The following PCGF5 variants were observed in gnomAD, a reference collection of about 807,000 sequenced individuals.
PCGF5 encodes the protein polycomb group RING finger protein 5.
A neutral mutation model predicts 44.3 loss-of-function variants in PCGF5; 9 were observed. The observed-to-expected ratio is 0.20, with a 90% CI of 0.12 to 0.35. The LOEUF (loss-of-function observed/expected upper bound fraction) is 0.35, where lower values mean the gene tolerates loss of function less well. Among genes scored for constraint, PCGF5 ranks in the 10% least tolerant of loss-of-function variants. The pLI is 1.00. For synonymous variants in PCGF5, 95 were observed against 102.5 expected, an observed-to-expected ratio of 0.93 and a Z score of 0.44; for missense variants, 146 against 305.3, an observed-to-expected ratio of 0.48 and a Z score of 3.89.
intron 9 of PCGF5, among the ~76,000 whole-genome samples, chr10:91,277,826 G>A (rs1442708888): frequency 5.9e-5 from 9 of 152,070 alleles, no homozygotes; most frequent in African/African-American, 2.2e-4. Context: ...TCCTAGCAGA[G>A]GGGGTCTCTT....
intron 2 of PCGF5, among the ~76,000 whole-genome samples, chr10:91,230,023 G>A (rs1844957424): frequency 2.6e-5 from 4 of 151,966 alleles, no homozygotes; most frequent in African/African-American, 9.7e-5. Flanking sequence ...CTTAATCTTG[G>A]TGTCATCTAT....
At chr10:91,246,970 GATA>G (rs1564648043) in intron 3 of PCGF5, among the ~76,000 whole-genome samples, 16 of 1,486 alleles carry the variant, frequency 0.011, no homozygotes, top group South Asian at 0.05. Context: ...TAGATGGATA[GATA>G]GATAGATAGA....
intron 9 of PCGF5, among the ~76,000 whole-genome samples, chr10:91,272,918 G>C (rs1186483717): frequency 6.6e-6 from 1 of 152,202 alleles, no homozygotes; most frequent in Non-Finnish European, 1.5e-5. Flanking sequence ...CTTACCTCCA[G>C]TGTTACAGTT....
chr10:91,261,951 G>T (rs1845923278), intron 7 of PCGF5, among the ~76,000 whole-genome samples: 1 of 152,204 alleles, frequency 6.6e-6, no homozygotes, highest in Admixed American at 6.5e-5. Flanking sequence ...GAGGTAAACT[G>T]CCCTGATATT....
At chr10:91,176,649 A>G (rs1041444923) in intron 1 of PCGF5, among the ~76,000 whole-genome samples, 1 of 152,016 alleles carries the variant, frequency 6.6e-6, no homozygotes, top group African/African-American at 2.4e-5. Context: ...GCTTCATTTC[A>G]TTCATTTGAT....
intron 8 of PCGF5, among the ~76,000 whole-genome samples, chr10:91,268,593 G>GGAT (rs1846101282): frequency 1.3e-5 from 2 of 152,020 alleles, no homozygotes; most frequent in African/African-American, 4.8e-5. Flanking sequence ...ACCACTCTCT[G>GGAT]CCCCGTGGAG....
chr10:91,251,352 A>C lies in PCGF5; in HGVS notation c.386A>C (p.Asp129Ala), dbSNP rs779539576. The C allele has an allele frequency of 1.2e-6, 2 of 1,611,116 alleles. No individual in the cohort carries two copies. The highest frequency in any genetic ancestry group is 2.2e-5 in the South Asian group (2 of 90,998). ...GAAGAAGGTGATGAAAATGAAGATG[A>C]TAAAGATTATCACAGAAGTGACCCA... ...VDEEGDENED[D>A]KDYHRSDPQI... The change falls in exon 6 of 10, where the codon GAT (aspartate) becomes GCT (alanine). Residue 129 changes from aspartate (D) to alanine (A), a missense_variant. Asp to Ala is a moderately radical substitution (Grantham distance 126). Transcript: ENST00000336126.
chr10:91,254,995 A>G (rs1355124212), intron 6 of PCGF5, among the ~76,000 whole-genome samples: 4 of 152,032 alleles, frequency 2.6e-5, no homozygotes, highest in Non-Finnish European at 5.9e-5. Context: ...CTGCTTTCCC[A>G]TTGCAGCCTC....
Position 91,225,348 on chromosome 10 carries a change from A to G in PCGF5, c.112+2365A>G, listed in dbSNP as rs560959800. Among the ~76,000 whole-genome samples, 5 of 150,608 alleles carry G rather than the reference A, an allele frequency of 3.3e-5. No individual in the cohort carries two copies. In the South Asian group the frequency reaches 1.0e-3, roughly 32 times the overall value. ...TGTTCTCAACAGCAATTTAAAGCCT[A>G]AAGGGGTAAATTAAATGACAGTTTA... On this transcript the variant is annotated intron_variant, in intron 2 of 9. Transcript: ENST00000336126.
intron 1 of PCGF5, among the ~76,000 whole-genome samples, chr10:91,185,376 C>T (rs1023533455): frequency 1.3e-5 from 2 of 152,230 alleles, no homozygotes; most frequent in South Asian, 4.1e-4. Context: ...CAGGCTGGAA[C>T]AGGAAAGATG....
chr10:91,238,616 T>TCG (rs1564645053), intron 2 of PCGF5, among the ~76,000 whole-genome samples: 1 of 136,184 alleles, frequency 7.3e-6, no homozygotes, highest in African/African-American at 2.8e-5. Context: ...TTTTTTTTTT[T>TCG]TTTTTTTTTT....
chr10:91,205,233 T>C lies in PCGF5; in HGVS notation c.-183-17456T>C, dbSNP rs553135529. On this transcript the variant is annotated intron_variant, in intron 1 of 9. Coordinates refer to the PCGF5 transcript ENST00000614189. The stretch of plus-strand genomic sequence containing the variant: ...AGCCTTGAGCGCAATTGTTCCCAAA[T>C]ATTTTGAAAGGCTATTATGGAACGA... Among the ~76,000 whole-genome samples, 10 of 152,250 alleles carry C rather than the reference T, an allele frequency of 6.6e-5. No homozygotes were observed. The East Asian group carries it at 1.9e-3, about 29-fold the overall frequency.
chr10:91,162,043 A>G (rs1044447188), upstream of PCGF5, among the ~76,000 whole-genome samples: 1 of 152,026 alleles, frequency 6.6e-6, no homozygotes, highest in African/African-American at 2.4e-5. Context: ...GAGTCCAACA[A>G]AGTTTGACAG....
intron 3 of PCGF5, among the ~76,000 whole-genome samples, chr10:91,245,596 A>T (rs1362574102): frequency 6.6e-6 from 1 of 152,118 alleles, no homozygotes; most frequent in Non-Finnish European, 1.5e-5. Flanking sequence ...CAGAAAGTTA[A>T]TCATGTGGGA....
upstream of PCGF5, among the ~76,000 whole-genome samples, chr10:91,162,235 G>A (rs984677232): frequency 1.3e-5 from 2 of 149,364 alleles, no homozygotes; most frequent in Non-Finnish European, 3.0e-5. Flanking sequence ...AGGCATTAAG[G>A]CTCGAGGCCA....
intron 2 of PCGF5, among the ~76,000 whole-genome samples, chr10:91,238,634 C>CTTTCTTTCTTTCTT: frequency 2.1e-5 from 1 of 47,594 alleles, no homozygotes; most frequent in African/African-American, 1.0e-4. Flanking sequence ...TTTTTTTTGC[C>CTTTCTTTCTTTCTT]TCTTTCCCAA....
chr10:91,159,729 T>C (rs1436045707), upstream of PCGF5, among the ~76,000 whole-genome samples: 1 of 152,192 alleles, frequency 6.6e-6, no homozygotes, highest in Admixed American at 6.5e-5. Context: ...CTGAAGTAGA[T>C]TCTATCATTT....
chr10:91,199,364 C>G (rs966864034), intron 1 of PCGF5, among the ~76,000 whole-genome samples: 3 of 152,216 alleles, frequency 2.0e-5, no homozygotes, highest in African/African-American at 7.2e-5. Context: ...ATGGCAGGAG[C>G]TCTGGAACTA....
intron 3 of PCGF5, among the ~76,000 whole-genome samples, chr10:91,242,989 A>G (rs989407787): frequency 6.6e-6 from 1 of 152,204 alleles, no homozygotes; most frequent in Non-Finnish European, 1.5e-5. Flanking sequence ...TTTTAAAGAC[A>G]TAAACTCAGA....
Sources: allele counts gnomAD v4.1 joint callset (sites outside exome capture counted in the v4.1 genomes callset), GRCh38; gene constraint gnomAD v4.1.1; transcripts MANE v1.5; gene names NCBI Gene and HGNC (gene_info 2026-07-23, HGNC 2026-07-21).